Variants in CARD14 observed in about 807,000 individuals in gnomAD.
CARD14 encodes the protein caspase recruitment domain family member 14, also known as caspase recruitment domain-containing protein 14.
CARD14 carries 107 observed loss-of-function variants against 111.5 expected under a neutral mutation model. The ratio of observed to expected loss-of-function variants is 0.96; its 90% confidence interval spans 0.82 to 1.13. The LOEUF (loss-of-function observed/expected upper bound fraction) is 1.13, where lower values mean the gene tolerates loss of function less well. Among genes scored for constraint, CARD14 ranks in the 50% most tolerant of loss-of-function variants. The pLI is 0.00. For synonymous variants in CARD14, 617 were observed against 579.6 expected, an observed-to-expected ratio of 1.06 and a Z score of -0.93; for missense variants, 1,322 against 1,362.3, an observed-to-expected ratio of 0.97 and a Z score of 0.47.
chr17:80,189,025 T>G lies in CARD14; in HGVS notation c.843+481T>G, dbSNP rs1218478270. On this transcript the variant is annotated intron_variant, in intron 8 of 23. Transcript: ENST00000648509. This position sits in a 1 kb window ranked among gnomAD's most constrained non-coding sequence, Gnocchi z 4.7. ...GAGATCACGCCACTGCACTCCAGCC[T>G]GGCGACAGAGGGAGACCCTGTCTCA... is the stretch of plus-strand genomic sequence containing the variant. Among the ~76,000 whole-genome samples the G allele has an allele frequency of 6.6e-6, 1 of 152,170 alleles. No homozygotes were observed. The highest frequency in any genetic ancestry group is 1.5e-5 in the Non-Finnish European group (1 of 68,032).
chr17:80,182,548 G>C lies in CARD14; in HGVS notation c.212-105G>C. 2 of 1,361,980 alleles carry C rather than the reference G, an allele frequency of 1.5e-6. No homozygotes were observed. Among genetic ancestry groups the C allele is most frequent in the Non-Finnish European group, 2.0e-6 (2 of 990,094 alleles). The allele number at this position is 1,361,980 out of a possible 1,614,324, so 84.4% of individuals were successfully genotyped here. ...TCACCTCCCGATTCTTACATGTGCG[G>C]GGGGTTTCCCAGCCCCAGGCCTCTC... On this transcript the variant is annotated intron_variant, in intron 5 of 23. Coordinates refer to ENST00000648509, the MANE Select transcript of CARD14 (RefSeq NM_001366385.1). The surrounding 1 kb of genome is among the most constrained non-coding windows in gnomAD (Gnocchi z 4.7).
Position 80,195,516 on chromosome 17 carries a change from C to T in CARD14, c.1500-42C>T, listed in dbSNP as rs924603303. The stretch of plus-strand genomic sequence containing the variant: ...TTGGGGCGTGGGGACTCAGAGGGAG[C>T]AGGTGATGCAGTTTGAGCCTGCTGC... On this transcript the variant is annotated intron_variant, in intron 13 of 23. Coordinates refer to ENST00000648509, the MANE Select transcript of CARD14 (RefSeq NM_001366385.1). This position sits in a 1 kb window ranked among gnomAD's most constrained non-coding sequence, Gnocchi z 4.7. 6.4e-7 allele frequency: 1 copy of T among 1,571,132 alleles called. No homozygotes were observed. Among genetic ancestry groups the T allele is most frequent in the Admixed American group, 1.7e-5 (1 of 57,170 alleles).
rs281875216 is a variant in CARD14 at position 80,184,074 on chromosome 17, C to A, written c.511C>A (p.His171Asn). The change falls in exon 7 of 24, where the codon CAC becomes AAC. Residue 171 changes from histidine (H) to asparagine (N), a missense_variant. Physicochemically the swap from His to Asn is moderately conservative, Grantham distance 68. Coordinates refer to ENST00000648509, the MANE Select transcript of CARD14 (RefSeq NM_001366385.1). The part of the protein sequence containing the change: ...GLAETRAEGL[H>N]QLEADHSRMK... Reference sequence around the variant, plus strand: ...GGCCGAGACCCGTGCCGAGGGCCTGCACCAGCTGGAGGCTGACCACAGCCG... The same window carrying A: ...GGCCGAGACCCGTGCCGAGGGCCTGAACCAGCTGGAGGCTGACCACAGCCG... 1 of 1,585,512 alleles carries A rather than the reference C, an allele frequency of 6.3e-7. No homozygotes were observed. The highest frequency in any genetic ancestry group is 8.6e-7 in the Non-Finnish European group (1 of 1,166,604).
At chr17:80,205,770 C>T (rs898550317) in intron 22 of CARD14, 118 bp downstream of exon 22, 25 of 1,120,726 alleles carry the variant, frequency 2.2e-5, no homozygotes, top group Admixed American at 6.1e-5. Context: ...ACCTTGTCGC[C>T]GACCTCTGGG....
At chr17:80,170,818 C>T (rs1357514051) in intron 1 of CARD14, among the ~76,000 whole-genome samples, 1 of 105,390 alleles carries the variant, frequency 9.5e-6, no homozygotes, top group Admixed American at 9.5e-5. Flanking sequence ...CTCTCCCCTC[C>T]CCTCCTCTCC....
At chr17:80,185,019 T>C (rs1283382706) in intron 7 of CARD14, among the ~76,000 whole-genome samples, 2 of 152,182 alleles carry the variant, frequency 1.3e-5, no homozygotes, top group Non-Finnish European at 2.9e-5. Context: ...CTCCTTGTCA[T>C]TTTGGCATTT....
In CARD14 at chr17:80,195,334, G is replaced by A; in HGVS notation, c.1499+1G>A. 2 of 1,609,504 alleles carry A rather than the reference G, an allele frequency of 1.2e-6. No individual in the cohort carries two copies. Among genetic ancestry groups the A allele is most frequent in the Non-Finnish European group, 1.7e-6 (2 of 1,177,300 alleles). ...TCGGGGAAGAACCCTGGTCTTTCAG[G>A]TAGAGCACTGGGGTCCTTCCTGGCA... On this transcript the variant is annotated splice_donor_variant, in intron 13 of 23. Transcript: ENST00000648509. LOFTEE classifies it high-confidence loss of function. The surrounding 1 kb of genome is among the most constrained non-coding windows in gnomAD (Gnocchi z 4.7).
chr17:80,206,972 C>T lies in CARD14; in HGVS notation c.2694C>T (p.Asn898=), dbSNP rs1045266295. The change falls in exon 23 of 24, where the codon AAC becomes AAT. Residue 898 remains asparagine (N), a splice_region_variant and synonymous_variant. Coordinates refer to ENST00000648509, the MANE Select transcript of CARD14 (RefSeq NM_001366385.1). Reference sequence around the variant, plus strand: ...CTTCTTCTCTCCCTCCCACAAAGAACACCCATGCCCTCCTGGACGTCCAGC... The same window carrying T: ...CTTCTTCTCTCCCTCCCACAAAGAATACCCATGCCCTCCTGGACGTCCAGC... ...RHAVESLMEK[N]THALLDVQLD... 11 of 1,607,344 alleles carry T rather than the reference C, an allele frequency of 6.8e-6. No homozygotes were observed. The highest frequency in any genetic ancestry group is 1.7e-4 in the Middle Eastern group (1 of 6,054).
Position 80,202,223 on chromosome 17 carries a change from C to T in CARD14, c.2022C>T (p.Thr674=). 1.9e-6 allele frequency: 3 copies of T among 1,613,996 alleles called. No homozygotes were observed. Among genetic ancestry groups the T allele is most frequent in the Non-Finnish European group, 2.5e-6 (3 of 1,180,036 alleles). ...AGGACCTGGAGGCCAAAGTGGCGAC[C>T]TCGGGGGACTCATTCTACATCCGGG... The part of the protein sequence containing the change: ...LLQDLEAKVA[T]SGDSFYIRVN... The change falls in exon 18 of 24, where the codon ACC becomes ACT. Residue 674 remains threonine (T), a synonymous_variant. Coordinates refer to ENST00000648509, the MANE Select transcript of CARD14 (RefSeq NM_001366385.1).
rs780807582 is a variant in CARD14, at chr17:80,192,629, C to T, written c.1356+10C>T. ...CGTCAGCTCCACAGAGGTACGGCCG[C>T]TCCTCCCGCCTCCCTCACTGCCTTG... is the stretch of plus-strand genomic sequence containing the variant. On this transcript the variant is annotated intron_variant, in intron 12 of 23. Coordinates refer to ENST00000648509, the MANE Select transcript of CARD14 (RefSeq NM_001366385.1). 6.3e-7 allele frequency: 1 copy of T among 1,594,648 alleles called. No individual in the cohort carries two copies. The highest frequency in any genetic ancestry group is 8.6e-7 in the Non-Finnish European group (1 of 1,164,446).
Position 80,192,576 on chromosome 17 carries a change from G to A in CARD14, c.1313G>A (p.Cys438Tyr), listed in dbSNP as rs533044405. Residue 438 changes from cysteine to tyrosine, a missense_variant, in exon 12 of 24, where the codon TGC becomes TAC. Cys to Tyr is a radical substitution (Grantham distance 194). Transcript: ENST00000648509. ...CGGCTGGTGCGGATGCATGCCATCT[G>A]CCCCAGAGACGACAGCGACTGCAGC... ...KQRLVRMHAICPRDDSDCSLV... is the reference protein window; with the variant it reads ...KQRLVRMHAIYPRDDSDCSLV... 19 of 1,613,408 alleles carry A rather than the reference G, an allele frequency of 1.2e-5. No individual in the cohort carries two copies. The African/African-American group carries it at 1.9e-4, about 16-fold the overall frequency.
intron 12 of CARD14, among the ~76,000 whole-genome samples, chr17:80,194,227 C>G (rs1055307150): frequency 6.6e-6 from 1 of 152,110 alleles, no homozygotes; most frequent in African/African-American, 2.4e-5. Flanking sequence ...CCTGCCCTGC[C>G]CATGTCGCCC....
At chr17:80,191,926 G>GA (rs1479526973) in intron 11 of CARD14, among the ~76,000 whole-genome samples, 2 of 152,216 alleles carry the variant, frequency 1.3e-5, no homozygotes, top group African/African-American at 4.8e-5. Flanking sequence ...AGAATTCTTA[G>GA]AAAGCCTCTC....
At chr17:80,206,223 G>A (rs537677122) in intron 22 of CARD14, among the ~76,000 whole-genome samples, 49 of 152,378 alleles carry the variant, frequency 3.2e-4, no homozygotes, top group African/African-American at 1.2e-3. Flanking sequence ...CCAGCACTTT[G>A]GGAACCCGAG....
Position 80,180,756 on chromosome 17 carries a change from TTGTTTGTTTGTG to T in CARD14, c.-20-653_-20-642del, listed in dbSNP as rs538736690. ...CCCCTACTGTTATTTGTTTGTTTGT[TTGTTTGTTTGTG>T]TGTTTGTTTACCGGGACAGGGTCTC... On this transcript the variant is annotated intron_variant, in intron 4 of 23. Coordinates refer to ENST00000648509, the MANE Select transcript of CARD14 (RefSeq NM_001366385.1). Among the ~76,000 whole-genome samples, 360 of 145,436 alleles carry T rather than the reference TTGTTTGTTTGTG, an allele frequency of 2.5e-3. 8 individuals are homozygous for T. The South Asian group carries it at 0.034, about 14-fold the overall frequency.
Position 80,203,054 on chromosome 17 carries a change from G to C in CARD14, c.2219+634G>C, listed in dbSNP as rs989921485. ...AGGCCGAGGCGGGTGGATCATCTGA[G>C]GTCAGGAGTTCGAGACCAGCCTGGG... On this transcript the variant is annotated intron_variant, in intron 18 of 23. Coordinates refer to ENST00000648509, the MANE Select transcript of CARD14 (RefSeq NM_001366385.1). This position sits in a 1 kb window ranked among gnomAD's most constrained non-coding sequence, Gnocchi z 4.6. The C allele has an allele frequency of 6.6e-6, 1 of 152,552 alleles. No homozygotes were observed. The highest frequency in any genetic ancestry group is 1.5e-5 in the Non-Finnish European group (1 of 68,348). 9.4% of individuals were successfully genotyped at this position (152,552 alleles called of 1,614,324 possible).
chr17:80,184,960 G>T (rs368027929), intron 7 of CARD14, among the ~76,000 whole-genome samples: 2 of 152,212 alleles, frequency 1.3e-5, no homozygotes, highest in African/African-American at 4.8e-5. Context: ...TCTTTGGGGA[G>T]GATGATCTGA....
intron 12 of CARD14, 118 bp downstream of exon 12, chr17:80,192,737 T>A: frequency 1.5e-6 from 1 of 672,354 alleles, no homozygotes; most frequent in Non-Finnish European, 2.6e-6. Flanking sequence ...AAGAGGTTGG[T>A]ACGATTGTGA....
At position 80,198,202 on chromosome 17, in the gene CARD14, A is replaced by T; in HGVS notation, c.1658+40A>T. ...GGAATCCTCCGAGGCTGGCTGGGGA[A>T]CCAGGGCCAGGGAGTGGCAGAGCAG... On this transcript the variant is annotated intron_variant, in intron 15 of 23. Coordinates refer to ENST00000648509, the MANE Select transcript of CARD14 (RefSeq NM_001366385.1). The surrounding 1 kb of genome is among the most constrained non-coding windows in gnomAD (Gnocchi z 7.5). 1 of 1,609,532 alleles carries T rather than the reference A, an allele frequency of 6.2e-7. No homozygotes were observed. Among genetic ancestry groups the T allele is most frequent in the Non-Finnish European group, 8.5e-7 (1 of 1,176,466 alleles).
Sources: gnomAD v4.1 joint callset for allele counts (sites outside exome capture counted in the v4.1 genomes callset) on GRCh38, gnomAD v4.1.1 for gene constraint, Gnocchi (gnomAD v3.1) non-coding constraint, MANE v1.5 for transcripts, NCBI Gene and HGNC (gene_info 2026-07-23, HGNC 2026-07-21) for gene names.